Variants in PRKG1 observed in about 807,000 individuals in gnomAD.
The protein encoded by PRKG1 is cGMP-dependent protein kinase 1.
In PRKG1, 35 loss-of-function variants were observed where a neutral mutation model predicts 88.1. The observed-to-expected ratio is 0.40, with a 90% CI of 0.30 to 0.53. The LOEUF (loss-of-function observed/expected upper bound fraction) is 0.53, where lower values mean the gene tolerates loss of function less well. Ranked by LOEUF, PRKG1 falls within the 20% of genes least tolerant of loss-of-function variation. The pLI is 0.59. For missense variants in PRKG1, 540 were observed against 839.8 expected (o/e 0.64, Z 4.41); for synonymous variants, 303 against 292.5 (o/e 1.04, Z -0.37).
intron 2 of PRKG1, among the ~76,000 whole-genome samples, chr10:51,293,079 G>GA (rs1233081254): frequency 6.6e-6 from 1 of 151,712 alleles, no homozygotes; most frequent in Non-Finnish European, 1.5e-5. Context: ...ATTGAAAAAC[G>GA]AAAAAATTAT....
At chr10:51,308,401 A>G (rs1841094086) in intron 2 of PRKG1, among the ~76,000 whole-genome samples, 1 of 152,194 alleles carries the variant, frequency 6.6e-6, no homozygotes. Flanking sequence ...TATTGATACT[A>G]ACTACATTGC....
chr10:51,807,925 A>G (rs1409734081), intron 4 of PRKG1, among the ~76,000 whole-genome samples: 2 of 152,152 alleles, frequency 1.3e-5, no homozygotes, highest in Admixed American at 1.3e-4. Flanking sequence ...GGTCAGAAAG[A>G]AAGGTGTTCT....
chr10:52,114,823 A>G (rs192966446), intron 7 of PRKG1, among the ~76,000 whole-genome samples: 174 of 152,234 alleles, frequency 1.1e-3, no homozygotes, highest in African/African-American at 3.9e-3. Context: ...AATGATAGTA[A>G]TGGGAATACA....
chr10:51,651,810 T>C (rs1840046239), intron 3 of PRKG1, among the ~76,000 whole-genome samples: 1 of 151,894 alleles, frequency 6.6e-6, no homozygotes, highest in South Asian at 2.1e-4. Context: ...TCTCGATCTC[T>C]TGACCTCGTG....
At chr10:52,243,080 A>G (rs1840910205) in intron 9 of PRKG1, among the ~76,000 whole-genome samples, 1 of 152,144 alleles carries the variant, frequency 6.6e-6, no homozygotes, top group Non-Finnish European at 1.5e-5. Flanking sequence ...CTGCTCTGAT[A>G]TTTGAATTTT....
intron 3 of PRKG1, among the ~76,000 whole-genome samples, chr10:51,742,252 C>G (rs535326529): frequency 2.8e-4 from 43 of 152,258 alleles, no homozygotes; most frequent in African/African-American, 9.1e-4. Context: ...ACCTGAATGT[C>G]TTAGTGATTA....
chr10:51,878,575 A>G (rs1216214489), intron 4 of PRKG1, among the ~76,000 whole-genome samples: 1 of 152,188 alleles, frequency 6.6e-6, no homozygotes, highest in African/African-American at 2.4e-5. Flanking sequence ...TCCTTATACC[A>G]TAGGTCTATG....
At chr10:51,623,773 A>G (rs1839266662) in intron 3 of PRKG1, among the ~76,000 whole-genome samples, 1 of 151,178 alleles carries the variant, frequency 6.6e-6, no homozygotes. Flanking sequence ...AGCCTCTTCT[A>G]CTCCCCTCCC....
chr10:51,009,774 A>G (rs1204654602), intron 1 of PRKG1, among the ~76,000 whole-genome samples: 1 of 152,176 alleles, frequency 6.6e-6, no homozygotes, highest in Admixed American at 6.5e-5. Context: ...ATGGTTTTGG[A>G]CTTCTTGAAG....
At chr10:52,120,005 C>T (rs981350321) in intron 7 of PRKG1, among the ~76,000 whole-genome samples, 2 of 137,640 alleles carry the variant, frequency 1.5e-5, no homozygotes, top group African/African-American at 5.2e-5. Context: ...GAGAGAGAGA[C>T]AGAGAGAGAG....
rs551541495 is a variant in PRKG1, at chr10:51,787,241, T to C, written c.593-17344T>C. 5.9e-5 allele frequency among the ~76,000 whole-genome samples: 9 copies of C among 152,250 alleles called. No individual in the cohort carries two copies. In the South Asian group the frequency reaches 1.2e-3, roughly 21 times the overall value. Reference sequence around the variant, plus strand: ...CCTTTTAAGTAAAGCCCTATGAAAATTGTCAAATTTTGTTCAAATGGCTTC... The same window carrying C: ...CCTTTTAAGTAAAGCCCTATGAAAACTGTCAAATTTTGTTCAAATGGCTTC... On this transcript the variant is annotated intron_variant, in intron 3 of 17. Coordinates refer to ENST00000373980, the MANE Select transcript of PRKG1 (RefSeq NM_006258.4).
At chr10:51,684,561 A>G (rs1840936781) in intron 3 of PRKG1, among the ~76,000 whole-genome samples, 1 of 152,138 alleles carries the variant, frequency 6.6e-6, no homozygotes, top group African/African-American at 2.4e-5. Context: ...ATTGACTAGA[A>G]TTACTTTATA....
At chr10:51,461,631 C>G (rs529800572) in intron 2 of PRKG1, among the ~76,000 whole-genome samples, 172 of 152,278 alleles carry the variant, frequency 1.1e-3, no homozygotes, top group African/African-American at 3.9e-3. Context: ...TTTATCTATT[C>G]AGATTTGAAA....
At chr10:51,137,240 G>A (rs1179145280) in intron 1 of PRKG1, among the ~76,000 whole-genome samples, 1 of 152,076 alleles carries the variant, frequency 6.6e-6, no homozygotes, top group Non-Finnish European at 1.5e-5. Flanking sequence ...GTGGGGGCAG[G>A]GTGGGGGGCA....
At chr10:51,980,783 G>A (rs746689760) in intron 5 of PRKG1, among the ~76,000 whole-genome samples, 7 of 151,986 alleles carry the variant, frequency 4.6e-5, no homozygotes, top group Non-Finnish European at 8.8e-5. Context: ...AGTCTGTTTT[G>A]TCTAAAATTA....
At chr10:51,230,905 G>T (rs567910857) in intron 2 of PRKG1, among the ~76,000 whole-genome samples, 4 of 152,040 alleles carry the variant, frequency 2.6e-5, no homozygotes, top group Non-Finnish European at 5.9e-5. Context: ...CTGGTTGTAG[G>T]CACTTTAAAG....
At chr10:51,788,896 G>T (rs1838797794) in intron 3 of PRKG1, among the ~76,000 whole-genome samples, 1 of 152,218 alleles carries the variant, frequency 6.6e-6, no homozygotes, top group Non-Finnish European at 1.5e-5. Flanking sequence ...GATTAATTAA[G>T]GATATGTCAA....
intron 1 of PRKG1, among the ~76,000 whole-genome samples, chr10:51,102,704 C>G (rs766758014): frequency 9.9e-5 from 15 of 152,128 alleles, no homozygotes; most frequent in Non-Finnish European, 2.1e-4. Flanking sequence ...CAGTCTGTTG[C>G]AAGGACCATA....
intron 4 of PRKG1, among the ~76,000 whole-genome samples, chr10:51,853,292 A>AAAT (rs1840602690): frequency 6.6e-6 from 1 of 152,206 alleles, no homozygotes; most frequent in Non-Finnish European, 1.5e-5. Context: ...GATAGTAAAT[A>AAAT]AATATTCTTT....
Sources: allele counts gnomAD v4.1 joint callset (sites outside exome capture counted in the v4.1 genomes callset), GRCh38; gene constraint gnomAD v4.1.1; transcripts MANE v1.5; gene names NCBI Gene and HGNC (gene_info 2026-07-23, HGNC 2026-07-21).